Variants in CXCL14 observed in about 807,000 individuals in gnomAD.
CXCL14 encodes C-X-C motif chemokine 14.
In CXCL14, 9 loss-of-function variants were observed where a neutral mutation model predicts 16.1. The observed-to-expected ratio is 0.56, with a 90% confidence interval of 0.34 to 0.97. The LOEUF (loss-of-function observed/expected upper bound fraction) is 0.97. CXCL14 is among the 50% of genes least tolerant of loss of function. CXCL14 has a pLI of 0.02. For missense variants in CXCL14, 111 were observed against 132.5 expected (o/e 0.84, Z 0.80); for synonymous variants, 55 against 52.8 (o/e 1.04, Z -0.18).
rs1259589945 is a variant in CXCL14, at chr5:135,571,615, A to G, written c.*238T>C. The G allele has an allele frequency of 1.4e-5, 7 of 507,914 alleles. No individual in the cohort carries two copies. The highest frequency in any genetic ancestry group is 2.4e-5 in the Non-Finnish European group (7 of 290,056). The allele number at this position is 507,914 out of a possible 1,614,324, so 31.5% of individuals were successfully genotyped here. On this transcript the variant is annotated 3_prime_UTR_variant, in exon 4 of 4. Transcript: ENST00000512158. ...AGCAGCCTGTGATGAAGTCTGGAGC[A>G]CAAGAGAGATGGGTCTCCCATCTGG...
rs541489657 is a variant in CXCL14, at chr5:135,571,990, G to A, written c.285-122C>T. On this transcript the variant is annotated intron_variant, in intron 3 of 3. Coordinates refer to ENST00000512158, the MANE Select transcript of CXCL14 (RefSeq NM_004887.5). ...GGAATGCCCCTGTCCCAGAACTGCA[G>A]GAACCCCCAGGAGAAGTGGGAGGGA... 5.5e-6 allele frequency: 5 copies of A among 917,184 alleles called. No individual in the cohort carries two copies. In the East Asian group the frequency reaches 8.0e-5, roughly 15 times the overall value. 56.8% of individuals were successfully genotyped at this position (917,184 alleles called of 1,614,324 possible).
Position 135,578,420 on chromosome 5 carries a change from G to C in CXCL14, c.170+14C>G, listed in dbSNP as rs774215455. On this transcript the variant is annotated intron_variant, in intron 2 of 3. Transcript: ENST00000512158. ...GCAGTGCGCACCCCCTCAAGGTGAG[G>C]AGCGAGAACTCACATAACCATCTTC... 1.9e-6 allele frequency: 3 copies of C among 1,607,396 alleles called. No individual in the cohort carries two copies. The highest frequency in any genetic ancestry group is 1.7e-6 in the Non-Finnish European group (2 of 1,173,784).
rs754024461 is a variant in CXCL14, at chr5:135,574,582, C to G, written c.274G>C (p.Glu92Gln). The G allele has an allele frequency of 6.2e-7, 1 of 1,612,442 alleles. No homozygotes were observed. Among genetic ancestry groups the G allele is most frequent in the East Asian group, 2.2e-5 (1 of 44,882 alleles). ...AGAGGCGGGGCGTACCTGCGCTTCT[C>G]GTTCCAGGCGTTGTACCACTTGATG... The part of the protein sequence containing the change: ...RFIKWYNAWN[E>Q]KRRVYEE Residue 92 changes from glutamate to glutamine, a missense_variant, in exon 3 of 4, where the codon GAG becomes CAG. By Grantham distance (29) the Glu-to-Gln change is conservative. Transcript: ENST00000512158.
In CXCL14 at chr5:135,578,835, G is replaced by C; in HGVS notation, c.-57C>G. On this transcript the variant is annotated 5_prime_UTR_variant, in exon 1 of 4. Coordinates refer to ENST00000512158, the MANE Select transcript of CXCL14 (RefSeq NM_004887.5). The stretch of plus-strand genomic sequence containing the variant: ...GACATGGGGAGGGCGCTGGCCCGTC[G>C]GAGCGGCGGCCCGGAGACGCCACCC... The C allele has an allele frequency of 6.8e-7, 1 of 1,478,480 alleles. No homozygotes were observed. The highest frequency in any genetic ancestry group is 8.9e-7 in the Non-Finnish European group (1 of 1,120,764). 91.6% of individuals were successfully genotyped at this position (1,478,480 alleles called of 1,614,324 possible).
Position 135,578,492 on chromosome 5 carries a change from C to CGCTGTA in CXCL14, c.106_111dup (p.Tyr36_Ser37dup). On this transcript the variant is annotated inframe_insertion, in exon 2 of 4. Coordinates refer to ENST00000512158, the MANE Select transcript of CXCL14 (RefSeq NM_004887.5). Reference sequence around the variant, plus strand: ...GGCTTCATTTCCAGCTTCTTCACGTCGCTGTAGCGGATCTTGGGTCCCTTC... The same window carrying CGCTGTA: ...GGCTTCATTTCCAGCTTCTTCACGTCGCTGTAGCTGTAGCGGATCTTGGGTCCCTTC... 1.2e-6 allele frequency: 2 copies of CGCTGTA among 1,614,232 alleles called. No homozygotes were observed. Among genetic ancestry groups the CGCTGTA allele is most frequent in the Non-Finnish European group, 1.7e-6 (2 of 1,180,042 alleles).
intron 1 of CXCL14, 71 bp from the exon 2 acceptor site, chr5:135,578,610 C>T (rs1751158416): frequency 6.3e-7 from 1 of 1,593,698 alleles, no homozygotes; most frequent in East Asian, 2.2e-5. Flanking sequence ...TTGGTGCCCA[C>T]CCAGACCACC....
chr5:135,573,526 C>G (rs371361647), intron 3 of CXCL14, among the ~76,000 whole-genome samples: 8 of 152,058 alleles, frequency 5.3e-5, no homozygotes, highest in African/African-American at 1.7e-4. Flanking sequence ...TATGGCTGTA[C>G]CTTCCACCCT....
In CXCL14 at chr5:135,571,772, T is replaced by G. The variant is rs1751034107; in HGVS notation, c.*81A>C. The G allele has an allele frequency of 6.5e-6, 2 of 306,528 alleles. No homozygotes were observed. The highest frequency in any genetic ancestry group is 1.1e-5 in the Non-Finnish European group (2 of 183,742). The allele number at this position is 306,528 out of a possible 1,614,324, so 19.0% of individuals were successfully genotyped here. A position where few individuals can be genotyped will look rare whatever the true frequency, so the allele number is the denominator to read the frequency against. On this transcript the variant is annotated 3_prime_UTR_variant, in exon 4 of 4. Transcript: ENST00000512158. ...TTTTTTTTTTTTTTTTTTTTTTTTT[T>G]TTTTTTTTTTTTTAATCTGCAAAGT... is the stretch of plus-strand genomic sequence containing the variant.
At chr5:135,578,120 GGAACCCTTTAACCCTT>G (rs1751142081) in intron 2 of CXCL14, among the ~76,000 whole-genome samples, 1 of 152,174 alleles carries the variant, frequency 6.6e-6, no homozygotes, top group Non-Finnish European at 1.5e-5. Context: ...TTGGCACAAG[GGAACCCTTTAACCCTT>G]GATGGCCCTA....
Position 135,571,673 on chromosome 5 carries a change from A to G in CXCL14, c.*180T>C, listed in dbSNP as rs1751029938. 1 of 602,820 alleles carries G rather than the reference A, an allele frequency of 1.7e-6. No individual in the cohort carries two copies. The highest frequency in any genetic ancestry group is 2.9e-5 in the South Asian group (1 of 34,842). The allele number at this position is 602,820 out of a possible 1,614,324, so 37.3% of individuals were successfully genotyped here. ...TCGCACGCAGCTATAAAATGTAAAA[A>G]CTGACCGTTGGTAAAAAGTGCTTCA... is the stretch of plus-strand genomic sequence containing the variant. On this transcript the variant is annotated 3_prime_UTR_variant, in exon 4 of 4. Coordinates refer to ENST00000512158, the MANE Select transcript of CXCL14 (RefSeq NM_004887.5).
chr5:135,573,710 G>A (rs1410320799), intron 3 of CXCL14, among the ~76,000 whole-genome samples: 14 of 62,546 alleles, frequency 2.2e-4, no homozygotes, highest in East Asian at 1.6e-3. Context: ...GCATGCATGC[G>A]TGTGTGTGTG....
At position 135,571,368 on chromosome 5, in the gene CXCL14, C is replaced by T. The variant is rs1183553565; in HGVS notation, c.*485G>A. On this transcript the variant is annotated 3_prime_UTR_variant, in exon 4 of 4. Coordinates refer to ENST00000512158, the MANE Select transcript of CXCL14 (RefSeq NM_004887.5). ...GAGTCACACTGAGGCTGTGACCGGC[C>T]ATAAGCCCAGGAGAGCCCGTGGCAG... 2 of 155,430 alleles carry T rather than the reference C, an allele frequency of 1.3e-5. No homozygotes were observed. The highest frequency in any genetic ancestry group is 4.8e-5 in the African/African-American group (2 of 41,496). 9.6% of individuals were successfully genotyped at this position (155,430 alleles called of 1,614,324 possible).
rs1228323493 is a variant in CXCL14 at position 135,578,742 on chromosome 5, G to A, written c.37C>T (p.Leu13=). 11 of 1,544,996 alleles carry A rather than the reference G, an allele frequency of 7.1e-6. No homozygotes were observed. The Admixed American group carries it at 1.8e-4, about 26-fold the overall frequency. The change falls in exon 1 of 4, where the codon CTG becomes TTG. Residue 13 remains leucine (L), a synonymous_variant. Coordinates refer to ENST00000512158, the MANE Select transcript of CXCL14 (RefSeq NM_004887.5). ...LLAAALLLLL[L]ALYTARVDGS... is the part of the protein sequence containing the mutation. Reference sequence around the variant, plus strand: ...TCCACACGCGCGGTGTACAGCGCCAGCAGCAGCAGGAGCAGCGCGGCCGCC... The same window carrying A: ...TCCACACGCGCGGTGTACAGCGCCAACAGCAGCAGGAGCAGCGCGGCCGCC...
At chr5:135,578,373 G>A in intron 2 of CXCL14, 61 bp downstream of exon 2, 1 of 1,371,970 alleles carries the variant, frequency 7.3e-7, no homozygotes, top group Non-Finnish European at 1.0e-6. Context: ...GGCCCAGGCT[G>A]TGCCCTGGCA....
rs562767935 is a variant in CXCL14 at position 135,576,676 on chromosome 5, C to T, written c.170+1758G>A. Among the ~76,000 whole-genome samples, 11 of 152,236 alleles carry T rather than the reference C, an allele frequency of 7.2e-5. No homozygotes were observed. In the East Asian group the frequency reaches 1.2e-3, roughly 16 times the overall value. On this transcript the variant is annotated intron_variant, in intron 2 of 3. Transcript: ENST00000512158. ...GACACAAATTGCTCTTTCTAGAATT[C>T]GGACTCTCCTGGATCCTTCTGGGTG...
At chr5:135,576,378 A>G (rs1751098186) in intron 2 of CXCL14, among the ~76,000 whole-genome samples, 1 of 152,124 alleles carries the variant, frequency 6.6e-6, no homozygotes, top group Admixed American at 6.5e-5. Context: ...CCTGATAAAA[A>G]CCCTTTCTCA....
intron 3 of CXCL14, among the ~76,000 whole-genome samples, chr5:135,572,139 C>T (rs531991346): frequency 6.6e-5 from 10 of 152,174 alleles, no homozygotes; most frequent in Non-Finnish European, 8.8e-5. Flanking sequence ...TGGAACAAAC[C>T]CGCTTTGCAT....
Position 135,571,231 on chromosome 5 carries a change from A to G in CXCL14, c.*622T>C, listed in dbSNP as rs1751021054. 2.0e-5 allele frequency: 3 copies of G among 152,278 alleles called. No homozygotes were observed. The highest frequency in any genetic ancestry group is 7.2e-5 in the African/African-American group (3 of 41,424). 9.4% of individuals were successfully genotyped at this position (152,278 alleles called of 1,614,324 possible). ...TGGAAATGTTTCCTAGGGTGTGTAAAAATTAACCAGGGGGGAATGAAGCAC... is the reference window on the plus strand; with the variant it reads ...TGGAAATGTTTCCTAGGGTGTGTAAGAATTAACCAGGGGGGAATGAAGCAC... On this transcript the variant is annotated 3_prime_UTR_variant, in exon 4 of 4. Coordinates refer to ENST00000512158, the MANE Select transcript of CXCL14 (RefSeq NM_004887.5).
At position 135,571,553 on chromosome 5, in the gene CXCL14, A is replaced by G. The variant is rs1751028102; in HGVS notation, c.*300T>C. ...GACAAATACAAAAAAGCATTTTTTAAAAAGGAAAGGCATGAGTTTTCCCCT... is the reference window on the plus strand; with the variant it reads ...GACAAATACAAAAAAGCATTTTTTAGAAAGGAAAGGCATGAGTTTTCCCCT... On this transcript the variant is annotated 3_prime_UTR_variant, in exon 4 of 4. Coordinates refer to ENST00000512158, the MANE Select transcript of CXCL14 (RefSeq NM_004887.5). The G allele has an allele frequency of 2.4e-6, 1 of 409,160 alleles. No individual in the cohort carries two copies. The highest frequency in any genetic ancestry group is 2.1e-5 in the African/African-American group (1 of 48,568). The allele number at this position is 409,160 out of a possible 1,614,324, so 25.3% of individuals were successfully genotyped here.
Sources: gnomAD v4.1 joint callset for allele counts (sites outside exome capture counted in the v4.1 genomes callset) on GRCh38, gnomAD v4.1.1 for gene constraint, MANE v1.5 for transcripts, NCBI Gene and HGNC (gene_info 2026-07-23, HGNC 2026-07-21) for gene names.